ZFAT: variants seen among roughly 807,000 people sequenced by gnomAD.
ZFAT encodes the protein zinc finger protein ZFAT.
ZFAT carries 64 observed loss-of-function variants against 117.7 expected under a neutral mutation model. The observed-to-expected ratio is 0.54, with a 90% CI of 0.44 to 0.67. ZFAT has a LOEUF of 0.67. Among genes scored for constraint, ZFAT ranks in the 30% least tolerant of loss-of-function variants. The pLI, the probability that ZFAT is intolerant of heterozygous loss-of-function variation, is 0.00. For synonymous variants in ZFAT, 679 were observed against 615.0 expected (o/e 1.10, Z -1.54); for missense variants, 1,433 against 1,584.5 (o/e 0.90, Z 1.62).
the ZFAT span, among the ~76,000 whole-genome samples, chr8:134,756,764 G>C: frequency 6.6e-6 from 1 of 152,200 alleles, no homozygotes; most frequent in Non-Finnish European, 1.5e-5. Flanking sequence ...CCCTGCTCCA[G>C]AGCTCCCTGC....
the ZFAT span, chr8:134,804,880 C>CA: frequency 1.9e-6 from 1 of 534,182 alleles, no homozygotes; most frequent in South Asian, 1.4e-5. Context: ...TAGCCGGTAG[C>CA]AGCAAACATC....
the ZFAT span, among the ~76,000 whole-genome samples, chr8:134,718,690 G>A: frequency 5.9e-5 from 9 of 152,226 alleles, no homozygotes; most frequent in East Asian, 5.8e-4. Flanking sequence ...CCAATAAACC[G>A]TTGTTGAAGA....
At chr8:134,502,961 C>T (rs1436239317) in intron 15 of ZFAT, among the ~76,000 whole-genome samples, 2 of 152,196 alleles carry the variant, frequency 1.3e-5, no homozygotes, top group African/African-American at 2.4e-5. Flanking sequence ...CCAGGAGGCA[C>T]TAAAACTGGC....
intron 8 of ZFAT, among the ~76,000 whole-genome samples, chr8:134,588,870 C>G (rs746775042): frequency 6.6e-6 from 1 of 152,220 alleles, no homozygotes; most frequent in African/African-American, 2.4e-5. Context: ...TAATGAATGA[C>G]AGTTGATCCT....
chr8:134,754,874 A>G, the ZFAT span, among the ~76,000 whole-genome samples: 6 of 151,992 alleles, frequency 3.9e-5, no homozygotes, highest in East Asian at 5.8e-4. Context: ...CTCTTCGCCA[A>G]TGGCTTCAGC....
At chr8:134,817,436 C>CACAA in the ZFAT span, among the ~76,000 whole-genome samples, 10 of 126,838 alleles carry the variant, frequency 7.9e-5, no homozygotes, top group Non-Finnish European at 8.4e-5. Context: ...CACACACACA[C>CACAA]AACGCACCCT....
At chr8:134,774,942 C>G in the ZFAT span, among the ~76,000 whole-genome samples, 2 of 152,024 alleles carry the variant, frequency 1.3e-5, no homozygotes, top group African/African-American at 4.8e-5. Context: ...GATGGTGAAA[C>G]CCCATCTCTA....
the ZFAT span, among the ~76,000 whole-genome samples, chr8:134,819,324 A>G: frequency 6.6e-6 from 1 of 152,178 alleles, no homozygotes; most frequent in Non-Finnish European, 1.5e-5. Context: ...GATACGGATT[A>G]AAAGAAAAAT....
chr8:134,554,643 G>C (rs1261873988), intron 11 of ZFAT, among the ~76,000 whole-genome samples: 1 of 152,222 alleles, frequency 6.6e-6, no homozygotes, highest in Non-Finnish European at 1.5e-5. Flanking sequence ...CCCAGGCAGA[G>C]CAAGGCAGGA....
chr8:134,479,057 G>T (rs1786986513), intron 15 of ZFAT, among the ~76,000 whole-genome samples: 1 of 152,180 alleles, frequency 6.6e-6, no homozygotes, highest in Admixed American at 6.5e-5. Flanking sequence ...GGGCTGGAAG[G>T]CATGGTGGGG....
chr8:134,723,658 C>A, the ZFAT span: 96 of 152,434 alleles, frequency 6.3e-4, no homozygotes, highest in Non-Finnish European at 9.8e-4. Context: ...CCTGAAGACA[C>A]CCCTTGAGGA....
rs985450432 is a variant in ZFAT at position 134,610,496 on chromosome 8, A to G, written c.608T>C (p.Val203Ala). The G allele has an allele frequency of 6.2e-7, 1 of 1,613,794 alleles. No homozygotes were observed. The highest frequency in any genetic ancestry group is 8.5e-7 in the Non-Finnish European group (1 of 1,179,986). The stretch of plus-strand genomic sequence containing the variant: ...TGGAATTGCTTCGTGTGCAGTTAAA[A>G]CCACACTTATGATGGGTTTCTTCGC... The part of the protein sequence containing the change: ...SGAKKPIISV[V>A]LTAHEAIPGA... The change falls in exon 4 of 16, where the codon GTT (valine) becomes GCT (alanine). Residue 203 changes from valine (V) to alanine (A), a missense_variant. Transcript: ENST00000377838.
At chr8:134,711,331 T>G (rs1201537057) in intron 1 of ZFAT, among the ~76,000 whole-genome samples, 1 of 152,228 alleles carries the variant, frequency 6.6e-6, no homozygotes, top group East Asian at 1.9e-4. Context: ...CACTGTGGCC[T>G]CATGTCAGTG....
chr8:134,599,876 C>A (rs1239815140), intron 7 of ZFAT: 2 of 437,372 alleles, frequency 4.6e-6, no homozygotes, highest in Non-Finnish European at 9.0e-6. Context: ...AAGAAATTTA[C>A]CTTTGTGAAT....
intron 1 of ZFAT, among the ~76,000 whole-genome samples, chr8:134,710,887 C>T (rs1813967318): frequency 6.6e-6 from 1 of 152,224 alleles, no homozygotes; most frequent in African/African-American, 2.4e-5. Flanking sequence ...ACCAATAAGA[C>T]AATCACTTTC....
chr8:134,545,433 T>C (rs906138047), intron 11 of ZFAT, among the ~76,000 whole-genome samples: 4 of 151,804 alleles, frequency 2.6e-5, no homozygotes, highest in African/African-American at 4.8e-5. Flanking sequence ...GGTGAGAGGA[T>C]CCCTGGAGCC....
intron 10 of ZFAT, among the ~76,000 whole-genome samples, chr8:134,568,893 A>G (rs75936382): frequency 0.14 from 21,908 of 152,166 alleles, 1,982 homozygotes; most frequent in East Asian, 0.37. Flanking sequence ...CTTTCTATCA[A>G]GAGACTTCTG....
intron 11 of ZFAT, among the ~76,000 whole-genome samples, chr8:134,539,432 G>T (rs999424115): frequency 4.6e-5 from 7 of 152,314 alleles, no homozygotes; most frequent in African/African-American, 1.2e-4. Flanking sequence ...GATCAGATGT[G>T]AATCCACCCC....
chr8:134,499,264 T>TTGGCA, intron 15 of ZFAT, among the ~76,000 whole-genome samples: 1 of 109,312 alleles, frequency 9.1e-6, no homozygotes, highest in African/African-American at 3.7e-5. Context: ...TTTGGTAGGG[T>TTGGCA]CGGGGTGGAG....
Sources: allele counts gnomAD v4.1 joint callset (sites outside exome capture counted in the v4.1 genomes callset), GRCh38; gene constraint gnomAD v4.1.1; transcripts MANE v1.5; gene names NCBI Gene and HGNC (gene_info 2026-07-23, HGNC 2026-07-21).